CACNA1C: variants seen among roughly 807,000 people sequenced by gnomAD.
CACNA1C encodes the protein voltage-dependent L-type calcium channel subunit alpha-1C.
In CACNA1C, 30 loss-of-function variants were observed where a neutral mutation model predicts 229.0. The observed-to-expected ratio is 0.13, with a 90% confidence interval of 0.10 to 0.18. CACNA1C has a LOEUF of 0.18. Among genes scored for constraint, CACNA1C ranks in the 10% least tolerant of loss-of-function variants. The pLI is 1.00. For missense variants in CACNA1C, 1,658 were observed against 2,845.0 expected (o/e 0.58, Z 9.49); for synonymous variants, 1,114 against 1,132.5 (o/e 0.98, Z 0.33).
Position 2,605,690 on chromosome 12 carries a change from G to A in CACNA1C, c.3060G>A (p.Gln1020=), listed in dbSNP as rs115017320. 7 of 1,613,534 alleles carry A rather than the reference G, an allele frequency of 4.3e-6. No individual in the cohort carries two copies. Among genetic ancestry groups the A allele is most frequent in the African/African-American group, 1.3e-5 (1 of 75,018 alleles). Residue 1020 remains glutamine (Q), a synonymous_variant, in exon 24 of 47, where the codon CAG becomes CAA. Transcript: ENST00000399655. The surrounding 1 kb of genome is among the most constrained non-coding windows in gnomAD (Gnocchi z 6.2). Reference sequence around the variant, plus strand: ...CCTTCCCACTGCAGCATGTGGTTCAGTGTGTGTTTGTCGCCATCCGGACCA... The same window carrying A: ...CCTTCCCACTGCAGCATGTGGTTCAATGTGTGTTTGTCGCCATCCGGACCA... ...NRAKGLKHVV[Q]CVFVAIRTIG... is the part of the protein sequence containing the mutation.
At chr12:2,111,254 A>G (rs946718548) in intron 1 of CACNA1C, among the ~76,000 whole-genome samples, 6 of 152,184 alleles carry the variant, frequency 3.9e-5, no homozygotes, top group Non-Finnish European at 8.8e-5. Context: ...AAGGTCCCTC[A>G]TGGAGTTTTG....
intron 3 of CACNA1C, among the ~76,000 whole-genome samples, chr12:2,278,720 T>C (rs977161640): frequency 3.9e-5 from 6 of 152,244 alleles, no homozygotes; most frequent in Admixed American, 3.9e-4. Flanking sequence ...TACGGATGTA[T>C]GCTTTCCTTT....
chr12:2,635,696 C>A (rs891011128), intron 30 of CACNA1C, among the ~76,000 whole-genome samples: 1 of 152,128 alleles, frequency 6.6e-6, no homozygotes, highest in Non-Finnish European at 1.5e-5. Context: ...TCATATGTCC[C>A]CCGCTGTAGT....
intron 3 of CACNA1C, among the ~76,000 whole-genome samples, chr12:2,304,819 C>T (rs2094883425): frequency 6.6e-6 from 1 of 152,080 alleles, no homozygotes; most frequent in Non-Finnish European, 1.5e-5. Flanking sequence ...GTTTGCTGGG[C>T]ATCAACACCT....
At chr12:2,627,705 G>T (rs216020) in intron 29 of CACNA1C, among the ~76,000 whole-genome samples, 12,607 of 152,084 alleles carry the variant, frequency 0.083, 1,772 homozygotes, top group African/African-American at 0.29. Context: ...CCACCCCACC[G>T]TGGCAGCCTC....
intron 3 of CACNA1C, among the ~76,000 whole-genome samples, chr12:2,309,160 A>T (rs2095278935): frequency 6.6e-6 from 1 of 152,202 alleles, no homozygotes; most frequent in Non-Finnish European, 1.5e-5. Context: ...ATTCAGTCTT[A>T]AAAAAGAAGG....
Position 2,696,318 on chromosome 12 carries a change from T to C in CACNA1C, c.*5119T>C, listed in dbSNP as rs543195949. 1 of 152,140 alleles carries C rather than the reference T, an allele frequency of 6.6e-6. No homozygotes were observed. Among genetic ancestry groups the C allele is most frequent in the Non-Finnish European group, 1.5e-5 (1 of 68,040 alleles). The allele number at this position is 152,140 out of a possible 1,614,324, so 9.4% of individuals were successfully genotyped here. ...TCATGAAAGTTCCCCACGTCTCTAC[T>C]AAGAATGAGGAAGAAAAGACTAAGA... is the stretch of plus-strand genomic sequence containing the variant. On this transcript the variant is annotated 3_prime_UTR_variant, in exon 47 of 47. Coordinates refer to ENST00000399655, the MANE Select transcript of CACNA1C (RefSeq NM_000719.7).
At chr12:2,618,335 A>G (rs966446365) in intron 29 of CACNA1C, among the ~76,000 whole-genome samples, 2 of 152,212 alleles carry the variant, frequency 1.3e-5, no homozygotes, top group Admixed American at 1.3e-4. Flanking sequence ...CTGGATGGTA[A>G]TCAGACATGT....
intron 9 of CACNA1C, among the ~76,000 whole-genome samples, chr12:2,522,266 C>T (rs1334687747): frequency 1.3e-5 from 2 of 152,180 alleles, no homozygotes; most frequent in African/African-American, 4.8e-5. Flanking sequence ...GAGGCAGCAG[C>T]GTGCATTGGT....
rs2063606676 is a variant in CACNA1C, at chr12:2,077,410, G to A, written c.49+23799G>A. ...TAAATTTGTATTACTTTTTAAAGAG[G>A]AAGATGAAGTAGTAGTATTGGCTAG... On this transcript the variant is annotated intron_variant, in intron 1 of 46. Transcript: ENST00000399655. Among the ~76,000 whole-genome samples the A allele has an allele frequency of 4.8e-5, 3 of 62,484 alleles. No homozygotes were observed. The South Asian group carries it at 1.2e-3, about 24-fold the overall frequency. The allele number at this position is 62,484 out of a possible 152,430, so 41.0% of individuals were successfully genotyped here.
At chr12:2,307,911 T>C (rs951816902) in intron 3 of CACNA1C, among the ~76,000 whole-genome samples, 1 of 152,166 alleles carries the variant, frequency 6.6e-6, no homozygotes. Flanking sequence ...CATGGACTTA[T>C]TTAAAAGGAA....
rs1197253431 is a variant in CACNA1C at position 2,651,863 on chromosome 12, G to A, written c.4074+95G>A. 5 of 982,626 alleles carry A rather than the reference G, an allele frequency of 5.1e-6. No individual in the cohort carries two copies. Among genetic ancestry groups the A allele is most frequent in the South Asian group, 1.7e-5 (1 of 58,896 alleles). The allele number at this position is 982,626 out of a possible 1,614,324, so 60.9% of individuals were successfully genotyped here. A position where few individuals can be genotyped will look rare whatever the true frequency, so the allele number is the denominator to read the frequency against. The stretch of plus-strand genomic sequence containing the variant: ...ACAAGGAGGAGCCCTCCACTCTGGG[G>A]CCCTGCTCCTTCCTCTGTGTGGCAG... On this transcript the variant is annotated intron_variant, in intron 32 of 46. Transcript: ENST00000399655. This position sits in a 1 kb window ranked among gnomAD's most constrained non-coding sequence, Gnocchi z 5.4.
At chr12:2,366,724 G>T (rs1384159291) in intron 3 of CACNA1C, among the ~76,000 whole-genome samples, 1 of 152,152 alleles carries the variant, frequency 6.6e-6, no homozygotes, top group Non-Finnish European at 1.5e-5. Context: ...CTGTTATAAA[G>T]AACTACCTGA....
At chr12:2,629,568 TGTGGAAACA>T (rs1196073073) in intron 29 of CACNA1C, among the ~76,000 whole-genome samples, 1 of 152,158 alleles carries the variant, frequency 6.6e-6, no homozygotes, top group Non-Finnish European at 1.5e-5. Context: ...ATGTTCTAGG[TGTGGAAACA>T]GTGGTATAGG....
At position 2,575,762 on chromosome 12, in the gene CACNA1C, G is replaced by A. The variant is rs1386423897; in HGVS notation, c.1896-5828G>A. ...AGAGCATCCGAAAGTGGTGGGTACTGTTATTTTGAAGATCTCTTATTTATG... is the reference window on the plus strand; with the variant it reads ...AGAGCATCCGAAAGTGGTGGGTACTATTATTTTGAAGATCTCTTATTTATG... On this transcript the variant is annotated intron_variant, in intron 13 of 46. Coordinates refer to ENST00000399655, the MANE Select transcript of CACNA1C (RefSeq NM_000719.7). The surrounding 1 kb of genome is among the most constrained non-coding windows in gnomAD (Gnocchi z 4.0). Among the ~76,000 whole-genome samples, 2 of 152,168 alleles carry A rather than the reference G, an allele frequency of 1.3e-5. No individual in the cohort carries two copies. The highest frequency in any genetic ancestry group is 2.9e-5 in the Non-Finnish European group (2 of 68,024).
Position 2,493,097 on chromosome 12 carries a change from C to G in CACNA1C, c.917-93C>G. 9.2e-7 allele frequency: 1 copy of G among 1,089,382 alleles called. No homozygotes were observed. Among genetic ancestry groups the G allele is most frequent in the Non-Finnish European group, 1.4e-6 (1 of 725,164 alleles). The allele number at this position is 1,089,382 out of a possible 1,614,324, so 67.5% of individuals were successfully genotyped here. ...TGGTTGCTTTGCCCATCCCATCAAC[C>G]TCATCCTGTCACTTTTCTCTCTGAC... is the stretch of plus-strand genomic sequence containing the variant. On this transcript the variant is annotated intron_variant, in intron 6 of 46. Coordinates refer to ENST00000399655, the MANE Select transcript of CACNA1C (RefSeq NM_000719.7). The surrounding 1 kb of genome is among the most constrained non-coding windows in gnomAD (Gnocchi z 4.6).
intron 1 of CACNA1C, among the ~76,000 whole-genome samples, chr12:2,091,718 G>A (rs377384972): frequency 6.6e-6 from 1 of 152,212 alleles, no homozygotes; most frequent in Non-Finnish European, 1.5e-5. Context: ...GGACGTGTCT[G>A]GGGGTGATGG....
At chr12:2,250,876 C>T (rs1000048475) in intron 3 of CACNA1C, among the ~76,000 whole-genome samples, 1 of 152,234 alleles carries the variant, frequency 6.6e-6, no homozygotes, top group African/African-American at 2.4e-5. Flanking sequence ...AGCCTTGAAG[C>T]TGTCCTCTCC....
rs143713629 is a variant in CACNA1C, at chr12:2,648,719, C to T, written c.3945+212C>T. On this transcript the variant is annotated intron_variant, in intron 31 of 46. Coordinates refer to ENST00000399655, the MANE Select transcript of CACNA1C (RefSeq NM_000719.7). ...GCAGTGGTGGTGTTTTACCCCTGAG[C>T]TTTCCTTGGGGTGGTAATTCACTGT... Among the ~76,000 whole-genome samples the T allele has an allele frequency of 6.4e-3, 974 of 152,308 alleles. 7 individuals carry two copies. The highest frequency in any genetic ancestry group is 6.2e-3 in the Non-Finnish European group (423 of 68,022).
Sources: gnomAD v4.1 joint callset for allele counts (sites outside exome capture counted in the v4.1 genomes callset) on GRCh38, gnomAD v4.1.1 for gene constraint, Gnocchi (gnomAD v3.1) non-coding constraint, MANE v1.5 for transcripts, NCBI Gene and HGNC (gene_info 2026-07-23, HGNC 2026-07-21) for gene names.